The following GRIP1 variants were observed in gnomAD, a reference collection of about 807,000 sequenced individuals.
The protein encoded by GRIP1 is glutamate receptor interacting protein 1, also known as glutamate receptor-interacting protein 1.
GRIP1 carries 45 observed loss-of-function variants against 129.9 expected under a neutral mutation model. The observed-to-expected ratio is 0.35, with a 90% CI of 0.27 to 0.44. GRIP1 has a LOEUF of 0.44. Among genes scored for constraint, GRIP1 ranks in the 20% least tolerant of loss-of-function variants. GRIP1 has a pLI of 1.00. For missense variants in GRIP1, 1,196 were observed against 1,396.8 expected, an observed-to-expected ratio of 0.86 and a Z score of 2.29; for synonymous variants, 530 against 520.8, an observed-to-expected ratio of 1.02 and a Z score of -0.24.
At chr12:66,556,238 A>G (rs1248085530) in intron 2 of GRIP1, among the ~76,000 whole-genome samples, 3 of 152,164 alleles carry the variant, frequency 2.0e-5, no homozygotes, top group East Asian at 1.9e-4. Context: ...AGACTTTTCA[A>G]TGGAAATCTT....
chr12:66,363,707 A>G (rs780706943), intron 23 of GRIP1, among the ~76,000 whole-genome samples: 15 of 152,038 alleles, frequency 9.9e-5, no homozygotes, highest in Non-Finnish European at 1.9e-4. Context: ...CCTAGAGGAC[A>G]TTATGTTAAA....
chr12:66,669,387 CAATAAATA>C (rs76985683), intron 1 of GRIP1, among the ~76,000 whole-genome samples: 30 of 151,030 alleles, frequency 2.0e-4, no homozygotes, highest in Admixed American at 2.0e-4. Flanking sequence ...GACTCTGTCT[CAATAAATA>C]AATAAATAAA....
At chr12:66,994,350 A>G (rs2042436595) in intron 1 of GRIP1, among the ~76,000 whole-genome samples, 2 of 152,114 alleles carry the variant, frequency 1.3e-5, no homozygotes, top group African/African-American at 4.8e-5. Flanking sequence ...CTGAAAATCA[A>G]TTAAGGTAAC....
At chr12:66,368,923 A>C (rs2055311577) in intron 23 of GRIP1, among the ~76,000 whole-genome samples, 1 of 152,232 alleles carries the variant, frequency 6.6e-6, no homozygotes, top group Non-Finnish European at 1.5e-5. Context: ...CTATCAGAGT[A>C]AGTGAATTCC....
intron 1 of GRIP1, among the ~76,000 whole-genome samples, chr12:66,736,916 C>CT (rs2036620463): frequency 7.2e-5 from 9 of 125,136 alleles, no homozygotes; most frequent in African/African-American, 2.5e-4. Context: ...GTTTGCAAGT[C>CT]ATTTTTTTTT....
At chr12:66,513,991 G>A (rs1272105947) in intron 7 of GRIP1, among the ~76,000 whole-genome samples, 5 of 152,116 alleles carry the variant, frequency 3.3e-5, no homozygotes, top group African/African-American at 1.2e-4. Flanking sequence ...AAGCCTTTGG[G>A]TTTTAACCTG....
At chr12:66,852,863 A>G (rs1215595309) in intron 1 of GRIP1, among the ~76,000 whole-genome samples, 3 of 151,950 alleles carry the variant, frequency 2.0e-5, no homozygotes, top group Non-Finnish European at 4.4e-5. Flanking sequence ...ACTGCAAGTA[A>G]AACAGTTTTA....
At chr12:67,062,607 G>C (rs2043554683) in intron 1 of GRIP1, among the ~76,000 whole-genome samples, 2 of 151,938 alleles carry the variant, frequency 1.3e-5, no homozygotes, top group Non-Finnish European at 2.9e-5. Context: ...CAAGAGTAGA[G>C]AAGCTGTCCT....
chr12:66,940,179 A>G lies in GRIP1; in HGVS notation c.58+128871T>C, dbSNP rs565138094. On this transcript the variant is annotated intron_variant, in intron 1 of 1. Transcript: ENST00000643019. ...ACGTGTGTGTGTGTGTTTGGAGCTC[A>G]TGCCGGCAAGAGGCACTGGTCATTC... Among the ~76,000 whole-genome samples the G allele has an allele frequency of 1.4e-3, 211 of 152,172 alleles. 2 individuals are homozygous for G. The highest frequency in any genetic ancestry group is 4.9e-3 in the African/African-American group (203 of 41,508).
chr12:66,529,899 C>G lies in GRIP1; in HGVS notation c.434G>C (p.Ser145Thr). The G allele has an allele frequency of 6.3e-7, 1 of 1,590,890 alleles. No homozygotes were observed. The highest frequency in any genetic ancestry group is 1.1e-5 in the South Asian group (1 of 90,648). The change falls in exon 5 of 25, where the codon AGT becomes ACT. Residue 145 changes from serine (S) to threonine (T), a missense_variant. Physicochemically the swap from Ser to Thr is moderately conservative, Grantham distance 58 (BLOSUM62 1). Around this residue, in one of 5 missense-constraint regions of GRIP1, gnomAD observed 217 missense variants for 224.8 expected, o/e 0.97. Transcript: ENST00000359742. ...GACCTCCACTGTTCGGAAAATAACA[C>G]TTGATCCTTGCACAGCTGAATAAAG... ...ELPPVSVQGSSVIFRTVEVTL... is the reference protein window; with the variant it reads ...ELPPVSVQGSTVIFRTVEVTL...
intron 4 of GRIP1, among the ~76,000 whole-genome samples, chr12:66,534,518 C>T (rs1327275424): frequency 6.6e-6 from 1 of 152,148 alleles, no homozygotes; most frequent in Non-Finnish European, 1.5e-5. Flanking sequence ...TGCCAAGCTC[C>T]AACAATATGG....
At chr12:66,697,914 T>C (rs900575940) in intron 1 of GRIP1, among the ~76,000 whole-genome samples, 24 of 152,164 alleles carry the variant, frequency 1.6e-4, no homozygotes, top group Non-Finnish European at 1.5e-5. Context: ...GCAACAAGAA[T>C]AAAAGCTTAT....
intron 1 of GRIP1, among the ~76,000 whole-genome samples, chr12:66,712,302 C>T (rs1429442799): frequency 6.6e-6 from 1 of 151,818 alleles, no homozygotes; most frequent in Non-Finnish European, 1.5e-5. Flanking sequence ...AACTAATATT[C>T]TCAAGACTCA....
chr12:66,910,732 C>G (rs1002775543), intron 1 of GRIP1, among the ~76,000 whole-genome samples: 1 of 152,086 alleles, frequency 6.6e-6, no homozygotes, highest in Non-Finnish European at 1.5e-5. Flanking sequence ...AAACGCAAAT[C>G]AAAAACGTTT....
chr12:66,648,749 T>G (rs1457044227), intron 1 of GRIP1, among the ~76,000 whole-genome samples: 1 of 152,224 alleles, frequency 6.6e-6, no homozygotes, highest in African/African-American at 2.4e-5. Flanking sequence ...ATGGCAAATC[T>G]TTAACACCAG....
At position 66,978,686 on chromosome 12, in the gene GRIP1, A is replaced by G. The variant is rs200446520; in HGVS notation, c.58+90364T>C. Among the ~76,000 whole-genome samples, 3 of 152,236 alleles carry G rather than the reference A, an allele frequency of 2.0e-5. No homozygotes were observed. In the East Asian group the frequency reaches 5.8e-4, roughly 29 times the overall value. On this transcript the variant is annotated intron_variant, in intron 1 of 1. Coordinates refer to the GRIP1 transcript ENST00000643019. ...TTACTAGATTTCAGCCAAAAAAAGA[A>G]GTATTGGCGTCAAAAGCTAAGACAA... is the stretch of plus-strand genomic sequence containing the variant.
At chr12:67,020,004 T>C (rs2042842043) in intron 1 of GRIP1, among the ~76,000 whole-genome samples, 1 of 152,180 alleles carries the variant, frequency 6.6e-6, no homozygotes, top group Non-Finnish European at 1.5e-5. Flanking sequence ...GTTAATTATG[T>C]ACATAAATCT....
chr12:66,611,130 G>A (rs949301689), intron 1 of GRIP1, among the ~76,000 whole-genome samples: 3 of 152,068 alleles, frequency 2.0e-5, no homozygotes, highest in East Asian at 1.9e-4. Context: ...GGGATGTATT[G>A]CTCAAAATAA....
In GRIP1 at chr12:66,547,997, T is replaced by G. The variant is rs563182085; in HGVS notation, c.137-6047A>C. 2.3e-4 allele frequency among the ~76,000 whole-genome samples: 35 copies of G among 152,316 alleles called. 1 individual carries two copies. The highest frequency in any genetic ancestry group is 8.4e-4 in the African/African-American group (35 of 41,564). The stretch of plus-strand genomic sequence containing the variant: ...TTATCTCAAAATTAGGAGTTTAATT[T>G]TTTAAAAAATGTCCCATCAGTGGGT... On this transcript the variant is annotated intron_variant, in intron 2 of 24. Coordinates refer to ENST00000359742, the MANE Select transcript of GRIP1 (RefSeq NM_001366722.1).
Sources: gnomAD v4.1 joint callset for allele counts (sites outside exome capture counted in the v4.1 genomes callset) on GRCh38, gnomAD v4.1.1 for gene constraint, gnomAD v4.1.1 regional missense constraint, MANE v1.5 for transcripts, NCBI Gene and HGNC (gene_info 2026-07-23, HGNC 2026-07-21) for gene names.